COQ8A: variants seen among roughly 807,000 people sequenced by gnomAD.
COQ8A encodes atypical kinase COQ8A, mitochondrial.
A neutral mutation model predicts 65.0 loss-of-function variants in COQ8A; 51 were observed. That is an observed-to-expected ratio of 0.78 (90% CI 0.63 to 0.99). The LOEUF is 0.99. Ranked by LOEUF, COQ8A falls within the 50% of genes least tolerant of loss-of-function variation. The pLI is 0.00. For missense variants in COQ8A, 940 were observed against 875.0 expected (o/e 1.07, Z -0.94); for synonymous variants, 371 against 353.2 (o/e 1.05, Z -0.57).
intron 1 of COQ8A, among the ~76,000 whole-genome samples, chr1:226,953,984 C>T (rs1216522551): frequency 3.3e-5 from 5 of 152,156 alleles, no homozygotes; most frequent in African/African-American, 4.8e-5. Flanking sequence ...ATTTCAAGGA[C>T]GTAAAGGAAT....
intron 1 of COQ8A, among the ~76,000 whole-genome samples, chr1:226,954,635 G>C (rs2148023597): frequency 6.6e-6 from 1 of 152,342 alleles, no homozygotes; most frequent in South Asian, 2.1e-4. Flanking sequence ...TGGAGTAAAA[G>C]TTGCCAGCAA....
At chr1:226,984,304 G>A (rs1659933635) in intron 11 of COQ8A, 69 bp downstream of exon 11, 3 of 1,601,188 alleles carry the variant, frequency 1.9e-6, no homozygotes, top group African/African-American at 1.3e-5. Flanking sequence ...TGACCTAATA[G>A]TGTGAGCTGG....
intron 4 of COQ8A, among the ~76,000 whole-genome samples, chr1:226,974,148 G>C (rs1264561364): frequency 6.6e-6 from 1 of 152,190 alleles, no homozygotes; most frequent in Non-Finnish European, 1.5e-5. Context: ...ACCTCCTAGA[G>C]GGACTTTTGG....
intron 1 of COQ8A, among the ~76,000 whole-genome samples, chr1:226,950,207 G>T (rs960269443): frequency 6.6e-6 from 1 of 152,186 alleles, no homozygotes; most frequent in African/African-American, 2.4e-5. Context: ...CGCTCACAGT[G>T]TTGGGTCCTT....
chr1:226,961,648 G>A, intron 2 of COQ8A, 86 bp downstream of exon 2: 1 of 1,472,862 alleles, frequency 6.8e-7, no homozygotes, highest in Non-Finnish European at 9.1e-7. Flanking sequence ...TGTGACCATG[G>A]CAACTGGTCT....
intron 1 of COQ8A, among the ~76,000 whole-genome samples, chr1:226,948,595 C>A (rs999228296): frequency 6.6e-6 from 1 of 151,908 alleles, no homozygotes; most frequent in Non-Finnish European, 1.5e-5. Flanking sequence ...TCAACCTCAA[C>A]TTTAGGATCC....
chr1:226,960,474 GGC>G (rs1658159235), intron 1 of COQ8A, among the ~76,000 whole-genome samples: 1 of 128,978 alleles, frequency 7.8e-6, no homozygotes. Context: ...TGGTGGTGGT[GGC>G]AGTGGTACTT....
chr1:226,978,283 ACCT>A (rs1401937969), intron 5 of COQ8A, among the ~76,000 whole-genome samples: 17 of 115,814 alleles, frequency 1.5e-4, no homozygotes, highest in South Asian at 5.6e-4. Context: ...ACACCCGCAC[ACCT>A]CCTTACACAC....
intron 14 of COQ8A, 131 bp downstream of exon 14, chr1:226,985,471 T>C (rs1660045464): frequency 4.9e-6 from 5 of 1,030,506 alleles, no homozygotes; most frequent in Non-Finnish European, 7.4e-6. Flanking sequence ...TTGGGCACGG[T>C]CTGAAAGCTG....
At chr1:226,953,782 C>T (rs1466593168) in intron 1 of COQ8A, among the ~76,000 whole-genome samples, 2 of 152,106 alleles carry the variant, frequency 1.3e-5, no homozygotes, top group East Asian at 1.9e-4. Flanking sequence ...AGATAGAAGC[C>T]GGGAGTTGCC....
At chr1:226,973,867 T>G (rs982322724) in intron 4 of COQ8A, among the ~76,000 whole-genome samples, 2 of 152,222 alleles carry the variant, frequency 1.3e-5, no homozygotes, top group Non-Finnish European at 2.9e-5. Flanking sequence ...GTTTATAGTT[T>G]GCTGCTGTTT....
intron 4 of COQ8A, among the ~76,000 whole-genome samples, chr1:226,968,387 C>T (rs1431373588): frequency 2.0e-5 from 3 of 152,118 alleles, no homozygotes; most frequent in Admixed American, 1.3e-4. Context: ...GAATTAATAT[C>T]GTACATCCTT....
chr1:226,984,677 C>T (rs763528004), intron 12 of COQ8A, 22 bp downstream of exon 12: 3 of 1,604,440 alleles, frequency 1.9e-6, no homozygotes, highest in African/African-American at 1.3e-5. Context: ...GGTGGGGGCA[C>T]CCGCAGCCAG....
In COQ8A at chr1:226,987,501, T is replaced by TCAA. The variant is rs1223933428; in HGVS notation, c.*769_*771dup. On this transcript the variant is annotated 3_prime_UTR_variant, in exon 15 of 15. Transcript: ENST00000366777. ...TTGTACAAGTCTTGTAATTATCGAA[T>TCAA]CAACAACTTGTTTCAATTTAATAAA... The TCAA allele has an allele frequency of 1.3e-5, 2 of 152,306 alleles. No individual in the cohort carries two copies. The highest frequency in any genetic ancestry group is 2.9e-5 in the Non-Finnish European group (2 of 68,028). 9.4% of individuals were successfully genotyped at this position (152,306 alleles called of 1,614,324 possible).
At chr1:226,974,078 G>C (rs921983906) in intron 4 of COQ8A, among the ~76,000 whole-genome samples, 1 of 152,196 alleles carries the variant, frequency 6.6e-6, no homozygotes, top group Non-Finnish European at 1.5e-5. Context: ...TAACCTCCTG[G>C]TGTCCATCTG....
At chr1:226,964,603 C>T (rs1326676761) in intron 2 of COQ8A, among the ~76,000 whole-genome samples, 1 of 152,168 alleles carries the variant, frequency 6.6e-6, no homozygotes, top group African/African-American at 2.4e-5. Context: ...CCCTTGCTGG[C>T]CTTAGGCTGT....
chr1:226,965,722 C>T lies in COQ8A; in HGVS notation c.640C>T (p.Leu214=). 1.2e-6 allele frequency: 2 copies of T among 1,613,872 alleles called. No individual in the cohort carries two copies. The highest frequency in any genetic ancestry group is 1.1e-5 in the South Asian group (1 of 91,086). Residue 214 remains leucine (L), a synonymous_variant, in exon 4 of 15, where the codon CTG becomes TTG. Transcript: ENST00000366777. ...GGTGCCTGTGACGAGGATTGGCCGG[C>T]TGGCCAACTTCGGAGGTAAGGTGGC... ...RKVPVTRIGR[L]ANFGGLAVGL... is the part of the protein sequence containing the mutation.
At chr1:226,947,867 G>A (rs1424845794) in intron 1 of COQ8A, among the ~76,000 whole-genome samples, 1 of 151,846 alleles carries the variant, frequency 6.6e-6, no homozygotes, top group Non-Finnish European at 1.5e-5. Flanking sequence ...AAGTCAACAG[G>A]ACTCCGTCAT....
rs577684801 is a variant in COQ8A at position 226,963,101 on chromosome 1, C to T, written c.177+1539C>T. On this transcript the variant is annotated intron_variant, in intron 2 of 14. Transcript: ENST00000366777. ...CCTGGACAGGCCTTAGCCCTAATGGCGAGCAGGGCCTCCTACTCGGGCACT... is the reference window on the plus strand; with the variant it reads ...CCTGGACAGGCCTTAGCCCTAATGGTGAGCAGGGCCTCCTACTCGGGCACT... 9.5e-4 allele frequency among the ~76,000 whole-genome samples: 144 copies of T among 152,286 alleles called. 6 individuals are homozygous for T. In the South Asian group the frequency reaches 0.027, roughly 29 times the overall value.
Sources: gnomAD v4.1 joint callset for allele counts (sites outside exome capture counted in the v4.1 genomes callset) on GRCh38, gnomAD v4.1.1 for gene constraint, MANE v1.5 for transcripts, NCBI Gene and HGNC (gene_info 2026-07-23, HGNC 2026-07-21) for gene names.